Variants in CDH4 observed in about 807,000 individuals in gnomAD.
CDH4 encodes cadherin-4.
In CDH4, 33 loss-of-function variants were observed where a neutral mutation model predicts 86.0. The ratio of observed to expected loss-of-function variants is 0.38; its 90% CI spans 0.29 to 0.51. CDH4 has a LOEUF of 0.51. Among genes scored for constraint, CDH4 ranks in the 20% least tolerant of loss-of-function variants. The pLI is 0.86. For missense variants in CDH4, 1,114 were observed against 1,307.4 expected (o/e 0.85, Z 2.28); for synonymous variants, 555 against 549.4 (o/e 1.01, Z -0.14).
intron 2 of CDH4, among the ~76,000 whole-genome samples, chr20:61,627,533 C>T (rs184330254): frequency 6.6e-6 from 1 of 152,186 alleles, no homozygotes; most frequent in Non-Finnish European, 1.5e-5. Flanking sequence ...CGCCAAGTGT[C>T]CCCTGCGGAG....
At chr20:61,534,710 C>A (rs886678344) in intron 2 of CDH4, among the ~76,000 whole-genome samples, 2 of 115,024 alleles carry the variant, frequency 1.7e-5, no homozygotes, top group Non-Finnish European at 1.6e-5. Flanking sequence ...TAAACTTGTG[C>A]CAGCTGTGTG....
At position 61,884,792 on chromosome 20, in the gene CDH4, G is replaced by A. The variant is rs371726121; in HGVS notation, c.1051-10118G>A. On this transcript the variant is annotated intron_variant, in intron 7 of 15. Coordinates refer to ENST00000614565, the MANE Select transcript of CDH4 (RefSeq NM_001794.5). Reference sequence around the variant, plus strand: ...CTCCTCCCAGAACAGCAGCAGCCCCGAAGGGCTGAGGGGTTTGGAGGAAGG... The same window carrying A: ...CTCCTCCCAGAACAGCAGCAGCCCCAAAGGGCTGAGGGGTTTGGAGGAAGG... 9.2e-5 allele frequency among the ~76,000 whole-genome samples: 14 copies of A among 152,300 alleles called. No individual in the cohort carries two copies. In the South Asian group the frequency reaches 1.5e-3, roughly 16 times the overall value.
intron 2 of CDH4, among the ~76,000 whole-genome samples, chr20:61,559,887 A>G (rs569159725): frequency 3.9e-4 from 59 of 152,196 alleles, no homozygotes; most frequent in African/African-American, 1.4e-3. Flanking sequence ...CTTGCTTGCC[A>G]GTGCGGTGTG....
At chr20:61,864,422 A>G (rs751261480) in intron 6 of CDH4, among the ~76,000 whole-genome samples, 9 of 152,246 alleles carry the variant, frequency 5.9e-5, no homozygotes, top group Non-Finnish European at 1.0e-4. Flanking sequence ...AACCCTGTCC[A>G]TCGAACATCC....
chr20:61,447,023 T>C (rs1225021515), intron 2 of CDH4, among the ~76,000 whole-genome samples: 1 of 152,238 alleles, frequency 6.6e-6, no homozygotes, highest in African/African-American at 2.4e-5. Flanking sequence ...CCCTCTGGAG[T>C]ACATATCTTT....
At chr20:61,330,060 A>G (rs148283420) in intron 2 of CDH4, among the ~76,000 whole-genome samples, 176 of 152,208 alleles carry the variant, frequency 1.2e-3, no homozygotes, top group African/African-American at 3.9e-3. Flanking sequence ...GTGTATATGT[A>G]CCACATTTTC....
intron 2 of CDH4, among the ~76,000 whole-genome samples, chr20:61,345,758 G>C (rs562429521): frequency 1.3e-5 from 2 of 152,322 alleles, no homozygotes; most frequent in African/African-American, 4.8e-5. Context: ...TGGTGTTGGG[G>C]CTTCATCCTC....
intron 2 of CDH4, among the ~76,000 whole-genome samples, chr20:61,521,963 G>T (rs761879112): frequency 2.0e-5 from 3 of 152,224 alleles, no homozygotes; most frequent in Non-Finnish European, 2.9e-5. Context: ...CATAGATCTT[G>T]GTGTAACTGG....
At chr20:61,404,496 G>A (rs574651473) in intron 2 of CDH4, among the ~76,000 whole-genome samples, 5 of 152,176 alleles carry the variant, frequency 3.3e-5, no homozygotes, top group Non-Finnish European at 7.4e-5. Flanking sequence ...GCTCCGGCCC[G>A]AGGCTTCGAG....
At chr20:61,817,226 G>A (rs891042586) in intron 4 of CDH4, among the ~76,000 whole-genome samples, 6 of 152,216 alleles carry the variant, frequency 3.9e-5, no homozygotes, top group Admixed American at 6.5e-5. Context: ...AGCTCTTGCA[G>A]GAGCAAGATC....
intron 2 of CDH4, among the ~76,000 whole-genome samples, chr20:61,668,519 A>C (rs1168209871): frequency 6.6e-6 from 1 of 152,202 alleles, no homozygotes; most frequent in Non-Finnish European, 1.5e-5. Context: ...GCCCATGTGC[A>C]TGCTGTGGAG....
chr20:61,755,752 A>G (rs1200028547), intron 3 of CDH4, among the ~76,000 whole-genome samples: 1 of 148,220 alleles, frequency 6.7e-6, no homozygotes. Context: ...CACACACTAC[A>G]TGCCACACAC....
In CDH4 at chr20:61,508,410, A is replaced by C. The variant is rs6121657; in HGVS notation, c.170-235153A>C. Among the ~76,000 whole-genome samples the C allele has an allele frequency of 5.9e-3, 901 of 152,276 alleles. 8 individuals carry two copies. Among genetic ancestry groups the C allele is most frequent in the African/African-American group, 0.021 (868 of 41,542 alleles). ...ACACGGGTGCCCCCAGCCCCAACCC[A>C]TTGGCTGGCTGAAGACTGTTGCGGT... On this transcript the variant is annotated intron_variant, in intron 2 of 15. Coordinates refer to ENST00000614565, the MANE Select transcript of CDH4 (RefSeq NM_001794.5).
chr20:61,861,640 G>A (rs1983327688), intron 6 of CDH4, among the ~76,000 whole-genome samples: 1 of 152,174 alleles, frequency 6.6e-6, no homozygotes, highest in African/African-American at 2.4e-5. Flanking sequence ...AGTGGAGGCT[G>A]GGGTGAGAGC....
At chr20:61,910,672 C>A in intron 9 of CDH4, 65 bp downstream of exon 9, 1 of 1,413,498 alleles carries the variant, frequency 7.1e-7, no homozygotes. Flanking sequence ...TCCCTAGGAC[C>A]AGTCAAACAG....
chr20:61,481,769 T>C (rs971349647), intron 2 of CDH4, among the ~76,000 whole-genome samples: 2 of 150,872 alleles, frequency 1.3e-5, no homozygotes, highest in Admixed American at 1.3e-4. Context: ...TTGTCTCTCA[T>C]TCTGTTTGTG....
intron 2 of CDH4, among the ~76,000 whole-genome samples, chr20:61,261,790 C>A (rs546378353): frequency 6.6e-6 from 1 of 152,260 alleles, no homozygotes; most frequent in South Asian, 2.1e-4. Context: ...AAACAGAGGC[C>A]CTCAGTGTGT....
At chr20:61,290,711 C>T (rs1235639781) in intron 2 of CDH4, among the ~76,000 whole-genome samples, 2 of 152,218 alleles carry the variant, frequency 1.3e-5, no homozygotes, top group African/African-American at 4.8e-5. Context: ...TTCTGTGTCA[C>T]TGGAGAGAAG....
At chr20:61,363,976 G>A (rs763267773) in intron 2 of CDH4, among the ~76,000 whole-genome samples, 1 of 152,200 alleles carries the variant, frequency 6.6e-6, no homozygotes, top group African/African-American at 2.4e-5. Flanking sequence ...TGATGGGATT[G>A]TTAGGACACA....
Sources: allele counts gnomAD v4.1 joint callset (sites outside exome capture counted in the v4.1 genomes callset), GRCh38; gene constraint gnomAD v4.1.1; transcripts MANE v1.5; gene names NCBI Gene and HGNC (gene_info 2026-07-23, HGNC 2026-07-21).